Variants in ZKSCAN3 observed in about 807,000 individuals in gnomAD.
ZKSCAN3 encodes zinc finger with KRAB and SCAN domains 3, also known as zinc finger protein with KRAB and SCAN domains 3.
Under a neutral mutation model 30.7 loss-of-function variants are expected in ZKSCAN3, and 21 were observed. The observed-to-expected ratio is 0.68, with a 90% CI of 0.49 to 0.99. The LOEUF (loss-of-function observed/expected upper bound fraction) is 0.99. ZKSCAN3 is among the 50% of genes least tolerant of loss of function. The pLI is 0.00. For synonymous variants in ZKSCAN3, 201 were observed against 246.7 expected, an observed-to-expected ratio of 0.81 and a Z score of 1.73; for missense variants, 507 against 647.1, an observed-to-expected ratio of 0.78 and a Z score of 2.35.
intron 1 of ZKSCAN3, among the ~76,000 whole-genome samples, chr6:28,350,915 T>C (rs1263748579): frequency 6.6e-6 from 1 of 152,092 alleles, no homozygotes; most frequent in Non-Finnish European, 1.5e-5. Flanking sequence ...GGAGGAACAA[T>C]AGAAGTTTTT....
rs1470132110 is a variant in ZKSCAN3, at chr6:28,363,758, C to G, written c.700C>G (p.Gln234Glu). 6.2e-7 allele frequency: 1 copy of G among 1,613,948 alleles called. No individual in the cohort carries two copies. Among genetic ancestry groups the G allele is most frequent in the African/African-American group, 1.3e-5 (1 of 74,910 alleles). ...TPEWTQQDSS[Q>E]GNLCRDEKQE... ...TGAATGGACACAGCAGGATTCATCTCAGGGGAATCTCTGTAGAGATGAAAA... is the reference window on the plus strand; with the variant it reads ...TGAATGGACACAGCAGGATTCATCTGAGGGGAATCTCTGTAGAGATGAAAA... The change falls in exon 5 of 6, where the codon CAG becomes GAG. Residue 234 changes from glutamine to glutamate, a missense_variant. Physicochemically the swap from Gln to Glu is conservative, Grantham distance 29. Transcript: ENST00000252211.
At chr6:28,356,830 C>T (rs572613025) in intron 1 of ZKSCAN3, among the ~76,000 whole-genome samples, 2 of 152,372 alleles carry the variant, frequency 1.3e-5, no homozygotes, top group East Asian at 1.9e-4. Flanking sequence ...CCTTGCAGCA[C>T]GGCTGCCACT....
In ZKSCAN3 at chr6:28,364,631, C is replaced by T. The variant is rs376295404; in HGVS notation, c.758-795C>T. 1.7e-4 allele frequency among the ~76,000 whole-genome samples: 26 copies of T among 152,284 alleles called. 1 individual carries two copies. In the South Asian group the frequency reaches 1.9e-3, roughly 11 times the overall value. The stretch of plus-strand genomic sequence containing the variant: ...CACTGAATCCAGTTCTGTTTGGGGA[C>T]CCTGCCTCTGCCTGGGATATGAACC... On this transcript the variant is annotated intron_variant, in intron 5 of 5. Transcript: ENST00000252211.
chr6:28,366,198 T>C lies in ZKSCAN3; in HGVS notation c.1530T>C (p.Cys510=). ...KIHTGEKPYQ[C]NACGKGFTRI... ...ACACTGGTGAGAAACCCTATCAGTG[T>C]AATGCGTGTGGAAAAGGCTTCACCC... is the stretch of plus-strand genomic sequence containing the variant. The change falls in exon 6 of 6, where the codon TGT becomes TGC. Residue 510 remains cysteine (C), a synonymous_variant. Coordinates refer to ENST00000252211, the MANE Select transcript of ZKSCAN3 (RefSeq NM_024493.4). The C allele has an allele frequency of 1.9e-6, 3 of 1,593,574 alleles. No individual in the cohort carries two copies. Among genetic ancestry groups the C allele is most frequent in the Non-Finnish European group, 2.6e-6 (3 of 1,173,464 alleles).
At chr6:28,357,901 A>G (rs530589413) in intron 1 of ZKSCAN3, among the ~76,000 whole-genome samples, 1 of 152,326 alleles carries the variant, frequency 6.6e-6, no homozygotes, top group East Asian at 1.9e-4. Context: ...TGTGAATGTT[A>G]TGCCAGTTTT....
intron 1 of ZKSCAN3, chr6:28,355,911 G>A (rs942607161): frequency 6.6e-6 from 1 of 152,186 alleles, no homozygotes; most frequent in African/African-American, 2.4e-5. Context: ...CATGATAGAC[G>A]GCACAGCTGC....
chr6:28,352,944 ATTTCT>A (rs1219840022), intron 1 of ZKSCAN3, among the ~76,000 whole-genome samples: 2 of 145,580 alleles, frequency 1.4e-5, no homozygotes, highest in Non-Finnish European at 3.0e-5. Context: ...CCAGCCTTAC[ATTTCT>A]TTTCTTTTCT....
At position 28,365,626 on chromosome 6, in the gene ZKSCAN3, G is replaced by A. The variant is rs1372564290; in HGVS notation, c.958G>A (p.Gly320Arg). 2 of 1,614,260 alleles carry A rather than the reference G, an allele frequency of 1.2e-6. No homozygotes were observed. Among genetic ancestry groups the A allele is most frequent in the Admixed American group, 3.3e-5 (2 of 60,024 alleles). ...GAGGCGGCACATCTGCCATGAATGT[G>A]GAAAGAGTTTTGCTCAAAGCTCAGG... ...GGRRHICHEC[G>R]KSFAQSSGLS... The change falls in exon 6 of 6, where the codon GGA becomes AGA. Residue 320 changes from glycine to arginine, a missense_variant. Gly to Arg is a moderately radical substitution (Grantham distance 125). Transcript: ENST00000252211.
intron 5 of ZKSCAN3, 71 bp downstream of exon 5, chr6:28,363,886 A>G (rs1416772749): frequency 1.5e-5 from 24 of 1,571,806 alleles, no homozygotes; most frequent in Non-Finnish European, 2.1e-5. Flanking sequence ...CTGTTGAGCT[A>G]TTGGAAGCTG....
At chr6:28,364,760 C>G (rs1765891780) in intron 5 of ZKSCAN3, among the ~76,000 whole-genome samples, 1 of 152,184 alleles carries the variant, frequency 6.6e-6, no homozygotes, top group Non-Finnish European at 1.5e-5. Flanking sequence ...TGGAGTCTCA[C>G]TCTGTCGCCC....
At chr6:28,356,211 C>G (rs1242821317) in intron 1 of ZKSCAN3, 1 of 152,276 alleles carries the variant, frequency 6.6e-6, no homozygotes, top group Non-Finnish European at 1.5e-5. Context: ...ACATTTCTGC[C>G]TGACTGCAGC....
intron 3 of ZKSCAN3, 130 bp downstream of exon 3, chr6:28,361,601 C>A: frequency 9.8e-7 from 1 of 1,015,752 alleles, no homozygotes; most frequent in Non-Finnish European, 1.4e-6. Context: ...AAGACTGAGA[C>A]TAAAAGGAGT....
chr6:28,368,651 A>G lies in ZKSCAN3; in HGVS notation c.*2366A>G, dbSNP rs935087568. The stretch of plus-strand genomic sequence containing the variant: ...AAGCGCTTCACCTTATTCCTACAAT[A>G]AGGAGAAGTGCACTAACAAAATGAA... On this transcript the variant is annotated 3_prime_UTR_variant, in exon 6 of 6. Transcript: ENST00000252211. 1.9e-5 allele frequency: 3 copies of G among 154,906 alleles called. No individual in the cohort carries two copies. The highest frequency in any genetic ancestry group is 4.4e-5 in the Non-Finnish European group (3 of 68,234). 9.6% of individuals were successfully genotyped at this position (154,906 alleles called of 1,614,324 possible).
intron 1 of ZKSCAN3, among the ~76,000 whole-genome samples, chr6:28,359,081 T>C (rs551523315): frequency 5.3e-4 from 81 of 152,186 alleles, no homozygotes; most frequent in South Asian, 2.3e-3. Flanking sequence ...ATTGAGGTTG[T>C]CAGTAGAATT....
rs1388409111 is a variant in ZKSCAN3, at chr6:28,366,950, T to C, written c.*665T>C. ...TTTTTTTTTGGAGACGTAGTCTTGC[T>C]CTGTCGCCCAGGCTGGAGTGCAGTG... On this transcript the variant is annotated 3_prime_UTR_variant, in exon 6 of 6. Coordinates refer to ENST00000252211, the MANE Select transcript of ZKSCAN3 (RefSeq NM_024493.4). The C allele has an allele frequency of 6.6e-6, 1 of 152,290 alleles. No homozygotes were observed. Among genetic ancestry groups the C allele is most frequent in the Non-Finnish European group, 1.5e-5 (1 of 68,138 alleles). 9.4% of individuals were successfully genotyped at this position (152,290 alleles called of 1,614,324 possible). A position where few individuals can be genotyped will look rare whatever the true frequency, so the allele number is the denominator to read the frequency against.
intron 2 of ZKSCAN3, 119 bp downstream of exon 2, chr6:28,360,107 A>T: frequency 6.4e-7 from 1 of 1,561,856 alleles, no homozygotes; most frequent in Non-Finnish European, 8.7e-7. Context: ...TTGTACCGTG[A>T]ACCTCCTTGG....
intron 3 of ZKSCAN3, among the ~76,000 whole-genome samples, 192 bp downstream of exon 3, chr6:28,361,663 A>G (rs1765774481): frequency 6.6e-6 from 1 of 152,194 alleles, no homozygotes; most frequent in Non-Finnish European, 1.5e-5. Flanking sequence ...GACATAGTAA[A>G]TAAGATATTA....
intron 1 of ZKSCAN3, chr6:28,356,181 A>T (rs1765409639): frequency 6.6e-6 from 1 of 152,244 alleles, no homozygotes; most frequent in Admixed American, 6.5e-5. Flanking sequence ...GTCAGTTCCC[A>T]ATCAAACAGG....
intron 1 of ZKSCAN3, among the ~76,000 whole-genome samples, chr6:28,358,721 T>G (rs1765583575): frequency 6.6e-6 from 1 of 151,754 alleles, no homozygotes; most frequent in African/African-American, 2.4e-5. Flanking sequence ...CCAGCTCTAC[T>G]AAAAATACAA....
Sources: gnomAD v4.1 joint callset for allele counts (sites outside exome capture counted in the v4.1 genomes callset) on GRCh38, gnomAD v4.1.1 for gene constraint, MANE v1.5 for transcripts, NCBI Gene and HGNC (gene_info 2026-07-23, HGNC 2026-07-21) for gene names.